Variants in TTLL7 observed in about 807,000 individuals in gnomAD.
The protein encoded by TTLL7 is tubulin tyrosine ligase like 7.
In TTLL7, 53 loss-of-function variants were observed where a neutral mutation model predicts 120.2. The ratio of observed to expected loss-of-function variants is 0.44; its 90% CI spans 0.35 to 0.55. The LOEUF (loss-of-function observed/expected upper bound fraction) is 0.55, where lower values mean the gene tolerates loss of function less well. Ranked by LOEUF, TTLL7 falls within the 20% of genes least tolerant of loss-of-function variation. TTLL7 has a pLI of 0.00. For synonymous variants in TTLL7, 353 were observed against 351.7 expected, an observed-to-expected ratio of 1.00 and a Z score of -0.04; for missense variants, 803 against 1,054.7, an observed-to-expected ratio of 0.76 and a Z score of 3.31.
chr1:83,917,457 A>C, intron 14 of TTLL7, 147 bp downstream of exon 14: 1 of 573,914 alleles, frequency 1.7e-6, no homozygotes, highest in Non-Finnish European at 3.1e-6. Flanking sequence ...AGTGTAAGGT[A>C]TCATCATCTT....
chr1:83,880,001 A>T (rs1375647321), intron 20 of TTLL7: 1 of 152,036 alleles, frequency 6.6e-6, no homozygotes, highest in Non-Finnish European at 1.5e-5. Context: ...TGTGGGAATG[A>T]CATTAAAGAG....
intron 13 of TTLL7, among the ~76,000 whole-genome samples, chr1:83,919,239 T>G (rs1185695036): frequency 8.1e-5 from 12 of 148,702 alleles, no homozygotes; most frequent in Non-Finnish European, 1.6e-4. Context: ...CTAGACCTTT[T>G]ACTATGGTGT....
intron 19 of TTLL7, among the ~76,000 whole-genome samples, chr1:83,886,956 C>T (rs1655022295): frequency 2.0e-5 from 3 of 151,914 alleles, no homozygotes; most frequent in Admixed American, 2.0e-4. Flanking sequence ...CTAAAGTAAA[C>T]ATATTCCAAA....
At chr1:83,928,994 T>C (rs1035263951) in intron 10 of TTLL7, 142 bp downstream of exon 10, 9 of 399,346 alleles carry the variant, frequency 2.3e-5, no homozygotes, top group African/African-American at 1.7e-4. Context: ...AAATGAAAAA[T>C]ACAAAATGGA....
At chr1:83,892,695 CATAT>C (rs1156834515) in intron 18 of TTLL7, among the ~76,000 whole-genome samples, 3 of 145,362 alleles carry the variant, frequency 2.1e-5, no homozygotes, top group Admixed American at 6.8e-5. Flanking sequence ...TATATATGAA[CATAT>C]ATATGAACAT....
At chr1:83,972,527 GC>G (rs1180185542) in intron 1 of TTLL7, among the ~76,000 whole-genome samples, 8 of 151,998 alleles carry the variant, frequency 5.3e-5, no homozygotes, top group Admixed American at 3.9e-4. Flanking sequence ...CCAGGTTTTG[GC>G]AATTATGAAT....
At chr1:83,984,991 A>C (rs1338231660) in intron 1 of TTLL7, among the ~76,000 whole-genome samples, 1 of 152,214 alleles carries the variant, frequency 6.6e-6, no homozygotes, top group Non-Finnish European at 1.5e-5. Context: ...AGCAAAACTG[A>C]CAAGGATTTT....
At chr1:83,892,231 TATATATGAATATATATGTATATATGA>T (rs1164307921) in intron 18 of TTLL7, among the ~76,000 whole-genome samples, 6 of 139,552 alleles carry the variant, frequency 4.3e-5, no homozygotes, top group Admixed American at 1.5e-4. Context: ...TATATGTGTA[TATATATGAATATATATGTATATATGA>T]ATATATATAC....
chr1:83,930,211 A>G (rs1460436356), intron 9 of TTLL7, among the ~76,000 whole-genome samples: 4 of 152,142 alleles, frequency 2.6e-5, no homozygotes, highest in African/African-American at 9.7e-5. Context: ...CTATGTATAC[A>G]TATTTAAAAT....
chr1:83,969,547 A>C (rs898374676), intron 1 of TTLL7, among the ~76,000 whole-genome samples: 4 of 151,944 alleles, frequency 2.6e-5, no homozygotes, highest in African/African-American at 9.7e-5. Flanking sequence ...CCATCACTAA[A>C]GGGGAACACT....
Position 83,951,953 on chromosome 1 carries a change from C to T in TTLL7, c.49G>A (p.Asp17Asn). The T allele has an allele frequency of 1.2e-6, 2 of 1,609,468 alleles. No individual in the cohort carries two copies. Among genetic ancestry groups the T allele is most frequent in the Non-Finnish European group, 1.7e-6 (2 of 1,178,802 alleles). ...TGATAAGGTAATTCTGTATTCAAAT[C>T]CAGGGGAGAGGGTCCCTGAATAACT... is the stretch of plus-strand genomic sequence containing the variant. ...EGVIQGPSPL[D>N]LNTELPYQST... is the part of the protein sequence containing the mutation. The change falls in exon 3 of 21, where the codon GAT becomes AAT. Residue 17 changes from aspartate to asparagine, a missense_variant. Physicochemically the swap from Asp to Asn is conservative, Grantham distance 23. Around this residue, in one of 3 missense-constraint regions of TTLL7, gnomAD observed 91 missense variants for 96.6 expected, o/e 0.94. Transcript: ENST00000260505.
chr1:83,900,833 T>C (rs1656659085), intron 18 of TTLL7, among the ~76,000 whole-genome samples: 1 of 152,056 alleles, frequency 6.6e-6, no homozygotes, highest in African/African-American at 2.4e-5. Context: ...TCTTTCTGTC[T>C]AATAGCATAG....
chr1:83,929,950 A>G (rs963662257), intron 9 of TTLL7, among the ~76,000 whole-genome samples: 3 of 152,170 alleles, frequency 2.0e-5, no homozygotes, highest in Non-Finnish European at 2.9e-5. Context: ...AGTCACAGTT[A>G]TACACATCTG....
chr1:83,926,451 C>G (rs1205774166), intron 10 of TTLL7, among the ~76,000 whole-genome samples: 6 of 152,076 alleles, frequency 3.9e-5, no homozygotes, highest in Non-Finnish European at 8.8e-5. Flanking sequence ...GCACTCCAAT[C>G]CATATTGCTA....
chr1:83,949,596 G>A (rs1286350221), intron 4 of TTLL7: 2 of 350,764 alleles, frequency 5.7e-6, no homozygotes, highest in African/African-American at 2.2e-5. Context: ...AAAATGCTGG[G>A]ATTACAGGTG....
In TTLL7 at chr1:83,869,920, A is replaced by C. The variant is rs1271262641; in HGVS notation, c.*42T>G. 10 of 1,581,566 alleles carry C rather than the reference A, an allele frequency of 6.3e-6. No homozygotes were observed. Among genetic ancestry groups the C allele is most frequent in the Non-Finnish European group, 6.8e-6 (8 of 1,170,684 alleles). On this transcript the variant is annotated 3_prime_UTR_variant, in exon 21 of 21. Transcript: ENST00000260505. The stretch of plus-strand genomic sequence containing the variant: ...TGTTCAACTTCAGAGGAAAAAAATG[A>C]ATTGCTGTTATGTATAACCAATGGC...
intron 6 of TTLL7, among the ~76,000 whole-genome samples, chr1:83,942,999 C>T (rs1216809682): frequency 3.3e-5 from 5 of 151,704 alleles, no homozygotes; most frequent in Non-Finnish European, 4.4e-5. Context: ...GCCTCATTTT[C>T]AATACCAGTA....
intron 13 of TTLL7, among the ~76,000 whole-genome samples, chr1:83,917,949 T>A (rs371388015): frequency 6.6e-6 from 1 of 152,172 alleles, no homozygotes; most frequent in Non-Finnish European, 1.5e-5. Flanking sequence ...TATAGTACAG[T>A]ATAGTATTAA....
At chr1:83,945,515 T>C (rs1408399387) in intron 6 of TTLL7, among the ~76,000 whole-genome samples, 1 of 152,076 alleles carries the variant, frequency 6.6e-6, no homozygotes, top group Non-Finnish European at 1.5e-5. Context: ...AACAGTTGGG[T>C]TCTTCAATAG....
Sources: allele counts gnomAD v4.1 joint callset (sites outside exome capture counted in the v4.1 genomes callset), GRCh38; gene constraint gnomAD v4.1.1; regional missense constraint gnomAD v4.1.1; transcripts MANE v1.5; gene names NCBI Gene and HGNC (gene_info 2026-07-23, HGNC 2026-07-21).